KANK1: variants seen among roughly 807,000 people sequenced by gnomAD.
The protein encoded by KANK1 is KN motif and ankyrin repeat domain-containing protein 1.
In KANK1, 109 loss-of-function variants were observed where a neutral mutation model predicts 106.2. That is an observed-to-expected ratio of 1.03 (90% CI 0.88 to 1.20). The LOEUF (loss-of-function observed/expected upper bound fraction) is 1.20. KANK1 is among the 50% of genes most tolerant of loss of function. The pLI is 0.00. For synonymous variants in KANK1, 873 were observed against 652.2 expected, an observed-to-expected ratio of 1.34 and a Z score of -5.16; for missense variants, 2,399 against 1,710.7, an observed-to-expected ratio of 1.40 and a Z score of -7.10.
intron 6 of KANK1, 132 bp from the exon 7 acceptor site, chr9:734,616 A>G: frequency 5.1e-6 from 3 of 592,848 alleles, no homozygotes; most frequent in Non-Finnish European, 6.1e-6. Flanking sequence ...CAGTGAGCCA[A>G]GATCATGCCA....
chr9:472,609 C>A (rs1021069097), intron 2 of KANK1, among the ~76,000 whole-genome samples: 4 of 152,184 alleles, frequency 2.6e-5, no homozygotes, highest in African/African-American at 4.8e-5. Context: ...TAGCCTTGGT[C>A]TTAAGCCTGC....
chr9:530,477 C>T (rs1289359171), intron 1 of KANK1, among the ~76,000 whole-genome samples: 3 of 152,000 alleles, frequency 2.0e-5, no homozygotes, highest in Non-Finnish European at 4.4e-5. Flanking sequence ...GTCCATTTTC[C>T]CTCTGACTAA....
In KANK1 at chr9:610,323, C is replaced by G. The variant is rs148159632; in HGVS notation, c.-83-66567C>G. Among the ~76,000 whole-genome samples the G allele has an allele frequency of 2.7e-3, 405 of 152,250 alleles. 3 individuals carry two copies. The highest frequency in any genetic ancestry group is 9.2e-3 in the African/African-American group (383 of 41,536). On this transcript the variant is annotated intron_variant, in intron 1 of 11. Coordinates refer to ENST00000382297, the MANE Select transcript of KANK1 (RefSeq NM_015158.5). The stretch of plus-strand genomic sequence containing the variant: ...AAAAACATTCTCACTGAACTTCAGT[C>G]CTGCTCTCCAAAGTGAACCATGATG...
At chr9:609,865 A>G (rs1421821068) in intron 1 of KANK1, among the ~76,000 whole-genome samples, 4 of 152,174 alleles carry the variant, frequency 2.6e-5, no homozygotes, top group Admixed American at 2.0e-4. Context: ...GAAAATTTTT[A>G]AAATTTCAAA....
chr9:579,553 C>T (rs1476205250), intron 1 of KANK1, among the ~76,000 whole-genome samples: 1 of 152,130 alleles, frequency 6.6e-6, no homozygotes, highest in African/African-American at 2.4e-5. Context: ...GCCCGCCTGT[C>T]AGCTCCTCAG....
intron 2 of KANK1, among the ~76,000 whole-genome samples, chr9:708,119 GTC>G (rs1824795141): frequency 3.1e-5 from 1 of 32,644 alleles, no homozygotes; most frequent in Non-Finnish European, 6.2e-5. Context: ...CTGGAGACAG[GTC>G]TGGCTGCTGC....
At chr9:534,194 T>C (rs903158840) in intron 1 of KANK1, among the ~76,000 whole-genome samples, 13 of 152,246 alleles carry the variant, frequency 8.5e-5, no homozygotes, top group African/African-American at 2.9e-4. Context: ...AATGAGCCTT[T>C]AGACTGACCC....
At chr9:694,620 C>G (rs1262648827) in intron 2 of KANK1, among the ~76,000 whole-genome samples, 1 of 152,160 alleles carries the variant, frequency 6.6e-6, no homozygotes, top group Non-Finnish European at 1.5e-5. Flanking sequence ...AACCGCAAGG[C>G]CCCTGTTACC....
chr9:556,143 G>A (rs746922161), intron 1 of KANK1, among the ~76,000 whole-genome samples: 2 of 152,126 alleles, frequency 1.3e-5, no homozygotes, highest in Non-Finnish European at 2.9e-5. Context: ...GAATACAGAA[G>A]CATTTTAAAA....
intron 1 of KANK1, among the ~76,000 whole-genome samples, chr9:506,008 A>T (rs922672675): frequency 2.6e-5 from 4 of 152,086 alleles, no homozygotes; most frequent in East Asian, 3.9e-4. Context: ...CGTTTTATTT[A>T]AAAAAAATTG....
chr9:597,613 A>G (rs755961622), intron 1 of KANK1, among the ~76,000 whole-genome samples: 2 of 151,660 alleles, frequency 1.3e-5, no homozygotes, highest in African/African-American at 2.4e-5. Context: ...CTTAATAGAT[A>G]TGTGATTTGC....
At chr9:549,995 C>T (rs1237260395) in intron 1 of KANK1, among the ~76,000 whole-genome samples, 1 of 152,104 alleles carries the variant, frequency 6.6e-6, no homozygotes, top group Non-Finnish European at 1.5e-5. Flanking sequence ...ACACTGGGGA[C>T]ACTGAGGTGG....
At chr9:579,769 T>G (rs1439952825) in intron 1 of KANK1, among the ~76,000 whole-genome samples, 11 of 152,132 alleles carry the variant, frequency 7.2e-5, no homozygotes. Context: ...CCTATGTTAT[T>G]CCGTTCACAT....
intron 1 of KANK1, among the ~76,000 whole-genome samples, chr9:574,854 C>CAA (rs57091352): frequency 2.8e-4 from 22 of 79,190 alleles, no homozygotes; most frequent in Admixed American, 4.6e-4. Flanking sequence ...GACTCCGTCT[C>CAA]AAAAAAAAAA....
chr9:620,131 T>TA (rs35162748), intron 1 of KANK1, among the ~76,000 whole-genome samples: 63 of 147,642 alleles, frequency 4.3e-4, no homozygotes, highest in Admixed American at 7.4e-4. Flanking sequence ...GACTCCCATC[T>TA]AAAAAAAAAA....
At chr9:545,824 C>T (rs1313453643) in intron 1 of KANK1, among the ~76,000 whole-genome samples, 1 of 149,196 alleles carries the variant, frequency 6.7e-6, no homozygotes, top group African/African-American at 2.5e-5. Context: ...CGGCTCACTG[C>T]AACCTCTGCC....
At chr9:609,623 G>A (rs1368160653) in intron 1 of KANK1, among the ~76,000 whole-genome samples, 1 of 151,980 alleles carries the variant, frequency 6.6e-6, no homozygotes, top group Non-Finnish European at 1.5e-5. Context: ...AGAGTGAGAC[G>A]CTGTCCCAAA....
At position 710,626 on chromosome 9, in the gene KANK1, A is replaced by C. The variant is rs867268407; in HGVS notation, c.38-178A>C. ...AGAATGACCTGTCTCAAAAAAAAAA[A>C]AAACAAAAAAAAACAAAAAAAACTT... On this transcript the variant is annotated intron_variant, in intron 2 of 11. Coordinates refer to ENST00000382297, the MANE Select transcript of KANK1 (RefSeq NM_015158.5). 6.6e-3 allele frequency among the ~76,000 whole-genome samples: 827 copies of C among 126,028 alleles called. 16 individuals carry two copies. The highest frequency in any genetic ancestry group is 0.034 in the African/African-American group (747 of 22,152). 82.7% of individuals were successfully genotyped at this position (126,028 alleles called of 152,430 possible). A position where few individuals can be genotyped will look rare whatever the true frequency, so the allele number is the denominator to read the frequency against.
At chr9:592,488 T>A (rs959450155) in intron 1 of KANK1, among the ~76,000 whole-genome samples, 2 of 150,466 alleles carry the variant, frequency 1.3e-5, no homozygotes, top group African/African-American at 4.9e-5. Context: ...CCCGATCCCC[T>A]AGTCCGCTCT....
Sources: gnomAD v4.1 joint callset for allele counts (sites outside exome capture counted in the v4.1 genomes callset) on GRCh38, gnomAD v4.1.1 for gene constraint, MANE v1.5 for transcripts, NCBI Gene and HGNC (gene_info 2026-07-23, HGNC 2026-07-21) for gene names.